ALDH18A1: variants seen among roughly 807,000 people sequenced by gnomAD.
The protein encoded by ALDH18A1 is aldehyde dehydrogenase 18 family member A1.
In ALDH18A1, 44 loss-of-function variants were observed where a neutral mutation model predicts 88.8. The observed-to-expected ratio is 0.50, with a 90% confidence interval of 0.39 to 0.64. The LOEUF (loss-of-function observed/expected upper bound fraction) is 0.64, where lower values mean the gene tolerates loss of function less well. ALDH18A1 is among the 30% of genes least tolerant of loss of function. The pLI is 0.00. For missense variants in ALDH18A1, 782 were observed against 1,009.5 expected, an observed-to-expected ratio of 0.77 and a Z score of 3.05; for synonymous variants, 331 against 372.1, an observed-to-expected ratio of 0.89 and a Z score of 1.27.
chr10:95,633,813 T>TTC lies in ALDH18A1; in HGVS notation c.559-165_559-164insGA, dbSNP rs1491144102. On this transcript the variant is annotated intron_variant, in intron 5 of 17. Coordinates refer to ENST00000371224, the MANE Select transcript of ALDH18A1 (RefSeq NM_002860.4). Reference sequence around the variant, plus strand: ...CACATATCTGGGTGCTATCCAATTCTTTTTTTTTTTTTTTTTTTTTTGAGA... The same window carrying TTC: ...CACATATCTGGGTGCTATCCAATTCTTCTTTTTTTTTTTTTTTTTTTTTGAGA... Among the ~76,000 whole-genome samples the TTC allele has an allele frequency of 7.4e-3, 435 of 58,616 alleles. 1 individual carries two copies. The highest frequency in any genetic ancestry group is 0.02 in the South Asian group (38 of 1,864). The allele number at this position is 58,616 out of a possible 152,430, so 38.5% of individuals were successfully genotyped here.
In ALDH18A1 at chr10:95,621,124, G is replaced by A. The variant is rs1392328763; in HGVS notation, c.1374C>T (p.Thr458=). 6.2e-7 allele frequency: 1 copy of A among 1,613,986 alleles called. No individual in the cohort carries two copies. The change falls in exon 12 of 18, where the codon ACC becomes ACT. Residue 458 remains threonine, a synonymous_variant. Coordinates refer to ENST00000371224, the MANE Select transcript of ALDH18A1 (RefSeq NM_002860.4). ...QDSVGRVLRR[T]RIAKNLELEQ... Reference sequence around the variant, plus strand: ...CCAGTTCCAAGTTTTTGGCGATTCGGGTGCGGCGCAAAACACGTCCCACGC... The same window carrying A: ...CCAGTTCCAAGTTTTTGGCGATTCGAGTGCGGCGCAAAACACGTCCCACGC...
intron 17 of ALDH18A1, among the ~76,000 whole-genome samples, chr10:95,608,792 C>A (rs528723557): frequency 6.6e-6 from 1 of 152,216 alleles, no homozygotes; most frequent in Non-Finnish European, 1.5e-5. Flanking sequence ...TGAGCCACTG[C>A]CCGTGGCCTA....
At chr10:95,641,906 C>T (rs1240873589) in intron 3 of ALDH18A1, among the ~76,000 whole-genome samples, 5 of 151,962 alleles carry the variant, frequency 3.3e-5, no homozygotes, top group Admixed American at 2.0e-4. Context: ...CCTTCCAAAG[C>T]GCTGGGATTA....
chr10:95,655,561 T>C (rs1313834742), intron 1 of ALDH18A1, among the ~76,000 whole-genome samples: 1 of 152,110 alleles, frequency 6.6e-6, no homozygotes, highest in African/African-American at 2.4e-5. Context: ...AAATAAGAGA[T>C]TGAAGACTGA....
chr10:95,638,539 C>T (rs34832675), intron 3 of ALDH18A1, among the ~76,000 whole-genome samples: 15,399 of 152,100 alleles, frequency 0.1, 926 homozygotes, highest in Middle Eastern at 0.2. Flanking sequence ...AATAAAAGTC[C>T]GCAGGTAGGA....
chr10:95,611,471 A>G, intron 15 of ALDH18A1, 29 bp from the exon 16 acceptor site: 1 of 1,611,130 alleles, frequency 6.2e-7, no homozygotes, highest in South Asian at 1.1e-5. Context: ...AGGGGCAACA[A>G]CATAAAAACA....
chr10:95,633,563 A>G lies in ALDH18A1; in HGVS notation c.645T>C (p.Ile215=). The change falls in exon 6 of 18, where the codon ATT becomes ATC. Residue 215 remains isoleucine (I), a synonymous_variant. Transcript: ENST00000371224. Reference sequence around the variant, plus strand: ...CATCATTTGTGTTGACAATGGGGACAATGTTCATTCTAAGGAGTTCATGAA... The same window carrying G: ...CATCATTTGTGTTGACAATGGGGACGATGTTCATTCTAAGGAGTTCATGAA... ...GTLHELLRMN[I]VPIVNTNDAV... 1 of 1,614,104 alleles carries G rather than the reference A, an allele frequency of 6.2e-7. No individual in the cohort carries two copies. The highest frequency in any genetic ancestry group is 8.5e-7 in the Non-Finnish European group (1 of 1,180,016).
intron 5 of ALDH18A1, among the ~76,000 whole-genome samples, chr10:95,636,113 C>T (rs2097880118): frequency 6.6e-6 from 1 of 152,108 alleles, no homozygotes. Flanking sequence ...AATACCAGAA[C>T]ATCACTGTGG....
At chr10:95,651,826 A>T (rs1589578464) in intron 2 of ALDH18A1, among the ~76,000 whole-genome samples, 1 of 152,218 alleles carries the variant, frequency 6.6e-6, no homozygotes, top group South Asian at 2.1e-4. Flanking sequence ...CAAACTATGT[A>T]AAAAACTAAA....
At chr10:95,647,657 C>T (rs1242532389) in intron 2 of ALDH18A1, among the ~76,000 whole-genome samples, 4 of 152,232 alleles carry the variant, frequency 2.6e-5, no homozygotes. Context: ...GGTCCTGCCC[C>T]ATACCTTGGA....
intron 17 of ALDH18A1, among the ~76,000 whole-genome samples, chr10:95,608,591 T>A (rs768665349): frequency 5.9e-5 from 9 of 152,236 alleles, no homozygotes; most frequent in Non-Finnish European, 1.3e-4. Flanking sequence ...AGCCTCGAAC[T>A]CCTGGGCTCA....
chr10:95,646,624 T>C (rs2097901792), intron 2 of ALDH18A1, among the ~76,000 whole-genome samples: 1 of 152,152 alleles, frequency 6.6e-6, no homozygotes, highest in African/African-American at 2.4e-5. Context: ...TGTTCTACAA[T>C]GTATTATACT....
At position 95,606,692 on chromosome 10, in the gene ALDH18A1, C is replaced by G; in HGVS notation, c.*70G>C. 6.2e-7 allele frequency: 1 copy of G among 1,612,904 alleles called. No individual in the cohort carries two copies. Among genetic ancestry groups the G allele is most frequent in the Middle Eastern group, 1.7e-4 (1 of 5,884 alleles). ...CCAGGAACTGGGAGACAAGAGCGGG[C>G]TCTCTCCTGAGATAAGACAAGTTTA... On this transcript the variant is annotated 3_prime_UTR_variant, in exon 18 of 18. Coordinates refer to ENST00000371224, the MANE Select transcript of ALDH18A1 (RefSeq NM_002860.4).
intron 16 of ALDH18A1, among the ~76,000 whole-genome samples, chr10:95,610,692 G>C (rs921611134): frequency 6.6e-6 from 1 of 152,214 alleles, no homozygotes; most frequent in Non-Finnish European, 1.5e-5. Flanking sequence ...TAGGGTTGTA[G>C]AGAGGATGAA....
chr10:95,654,035 A>G (rs2097914267), intron 1 of ALDH18A1, among the ~76,000 whole-genome samples: 1 of 152,244 alleles, frequency 6.6e-6, no homozygotes, highest in Admixed American at 6.5e-5. Context: ...GGTTGAGAAC[A>G]TAAGGCAGTT....
chr10:95,621,017 GGGT>G lies in ALDH18A1; in HGVS notation c.1467+11_1467+13del. 6.2e-7 allele frequency: 1 copy of G among 1,612,216 alleles called. No individual in the cohort carries two copies. Among genetic ancestry groups the G allele is most frequent in the Non-Finnish European group, 8.5e-7 (1 of 1,178,484 alleles). On this transcript the variant is annotated intron_variant, in intron 12 of 17. Transcript: ENST00000371224. ...CAATGGCAGGGTATTTATTCTCCCG[GGGT>G]ATATACACACCTGGGGTAGACAGTC...
At position 95,637,384 on chromosome 10, in the gene ALDH18A1, G is replaced by A. The variant is rs766941640; in HGVS notation, c.356C>T (p.Ala119Val). Residue 119 changes from alanine (A) to valine (V), a missense_variant, in exon 4 of 18, where the codon GCC becomes GTC. Physicochemically the swap from Ala to Val is moderately conservative, Grantham distance 64. Coordinates refer to ENST00000371224, the MANE Select transcript of ALDH18A1 (RefSeq NM_002860.4). ...CAAGCGTTGTTTGCCAAAGGCTACGGCTCCACTGGTCACCAGCATCATCTC... is the reference window on the plus strand; with the variant it reads ...CAAGCGTTGTTTGCCAAAGGCTACGACTCCACTGGTCACCAGCATCATCTC... ...GREMMLVTSGAVAFGKQRLRH... is the reference protein window; with the variant it reads ...GREMMLVTSGVVAFGKQRLRH... The A allele has an allele frequency of 6.2e-7, 1 of 1,614,218 alleles. No individual in the cohort carries two copies. The highest frequency in any genetic ancestry group is 8.5e-7 in the Non-Finnish European group (1 of 1,180,054).
chr10:95,628,230 T>G, intron 8 of ALDH18A1, 138 bp downstream of exon 8: 1 of 1,209,126 alleles, frequency 8.3e-7, no homozygotes, highest in Non-Finnish European at 1.2e-6. Context: ...TAAATCTGTA[T>G]TTAGGTATGT....
At chr10:95,640,941 C>T (rs2097890178) in intron 3 of ALDH18A1, among the ~76,000 whole-genome samples, 1 of 152,156 alleles carries the variant, frequency 6.6e-6, no homozygotes, top group African/African-American at 2.4e-5. Context: ...ATGGAATGAT[C>T]CACTTTATTT....
Sources: allele counts gnomAD v4.1 joint callset (sites outside exome capture counted in the v4.1 genomes callset), GRCh38; gene constraint gnomAD v4.1.1; transcripts MANE v1.5; gene names NCBI Gene and HGNC (gene_info 2026-07-23, HGNC 2026-07-21).